Variants in TSEN34 observed in about 807,000 individuals in gnomAD.
TSEN34 encodes tRNA-splicing endonuclease subunit Sen34.
In TSEN34, 25 loss-of-function variants were observed where a neutral mutation model predicts 30.2. The observed-to-expected ratio is 0.83, with a 90% CI of 0.60 to 1.16. The LOEUF is 1.16. TSEN34 is among the 50% of genes most tolerant of loss of function. The pLI, the probability that TSEN34 is intolerant of heterozygous loss-of-function variation, is 0.00. For synonymous variants in TSEN34, 209 were observed against 177.4 expected (o/e 1.18, Z -1.41); for missense variants, 475 against 411.9 (o/e 1.15, Z -1.33).
At position 54,193,856 on chromosome 19, in the gene TSEN34, C is replaced by T. The variant is rs937796275; in HGVS notation, c.*494C>T. ...GCACTCTTTCTACCTCACTAAACTT[C>T]CTTTTGAAAAGATTTCTATGAAATT... On this transcript the variant is annotated 3_prime_UTR_variant, in exon 4 of 4. Transcript: ENST00000396388. 16 of 585,218 alleles carry T rather than the reference C, an allele frequency of 2.7e-5. No individual in the cohort carries two copies. The Admixed American group carries it at 4.3e-4, about 16-fold the overall frequency. The allele number at this position is 585,218 out of a possible 1,614,324, so 36.3% of individuals were successfully genotyped here.
At chr19:54,190,208 G>A, upstream of TSEN34, 1 of 656,744 alleles carries the variant, frequency 1.5e-6, no homozygotes, top group East Asian at 3.1e-5. Flanking sequence ...CGGGAGGAGG[G>A]CGGGGCTTCG....
chr19:54,190,583 G>T (rs2076631995), upstream of TSEN34: 1 of 1,247,744 alleles, frequency 8.0e-7, no homozygotes, highest in Non-Finnish European at 1.0e-6. Flanking sequence ...GCCACAGGCC[G>T]CGAGGCTGCC....
chr19:54,190,678 A>C, upstream of TSEN34: 1 of 1,220,482 alleles, frequency 8.2e-7, no homozygotes, highest in Non-Finnish European at 1.0e-6. Context: ...GAACACCCGA[A>C]CGTCAAATTG....
chr19:54,192,420 C>G (rs1210474661), intron 3 of TSEN34, 47 bp downstream of exon 3: 3 of 1,608,332 alleles, frequency 1.9e-6, no homozygotes, highest in South Asian at 2.2e-5. Flanking sequence ...TCCATACGAT[C>G]CCAATGTATT....
chr19:54,193,327 G>A lies in TSEN34; in HGVS notation c.898G>A (p.Val300Ile), dbSNP rs1273330367. 6.2e-7 allele frequency: 1 copy of A among 1,614,156 alleles called. No homozygotes were observed. The highest frequency in any genetic ancestry group is 1.7e-5 in the Admixed American group (1 of 60,004). The change falls in exon 4 of 4, where the codon GTC becomes ATC. Residue 300 changes from valine to isoleucine, a missense_variant. Val to Ile is a conservative substitution (Grantham distance 29). Coordinates refer to ENST00000396388, the MANE Select transcript of TSEN34 (RefSeq NM_001077446.4). ...TTCTCCGCAGCCTGATGGTAAGGTGGTCTACACCTCCCTGCAATGGGCCAG... is the reference window on the plus strand; with the variant it reads ...TTCTCCGCAGCCTGATGGTAAGGTGATCTACACCTCCCTGCAATGGGCCAG... ...LCSPQPDGKVVYTSLQWASLQ is the reference protein window; with the variant it reads ...LCSPQPDGKVIYTSLQWASLQ
At chr19:54,191,188 G>T (rs1028773280), upstream of TSEN34, 2 of 1,384,628 alleles carry the variant, frequency 1.4e-6, no homozygotes, top group African/African-American at 3.2e-5. Flanking sequence ...GGATCGCCCG[G>T]GGGCGGGGCC....
chr19:54,192,102 G>C lies in TSEN34; in HGVS notation c.488-14G>C, dbSNP rs374531111. On this transcript the variant is annotated splice_polypyrimidine_tract_variant and intron_variant, in intron 2 of 3. Coordinates refer to ENST00000396388, the MANE Select transcript of TSEN34 (RefSeq NM_001077446.4). ...CCTTGAATTTACCAAACTCTTCTCT[G>C]TACTCCCCACCAGGCCCCTCGTCTT... is the stretch of plus-strand genomic sequence containing the variant. 36 of 1,614,092 alleles carry C rather than the reference G, an allele frequency of 2.2e-5. No individual in the cohort carries two copies. In the African/African-American group the frequency reaches 4.0e-4, roughly 18 times the overall value.
At position 54,191,773 on chromosome 19, in the gene TSEN34, C is replaced by A; in HGVS notation, c.296C>A (p.Ala99Asp). ...GAGGAGAGCTTCCAGGAGCAGAGCG[C>A]CTTGGCAGCTGAGGCCCGGGAGACC... is the stretch of plus-strand genomic sequence containing the variant. ...QQEESFQEQS[A>D]LAAEARETRR... Residue 99 changes from alanine (A) to aspartate (D), a missense_variant, in exon 2 of 4, where the codon GCC becomes GAC. Physicochemically the swap from Ala to Asp is moderately radical, Grantham distance 126. Transcript: ENST00000396388. 6.2e-7 allele frequency: 1 copy of A among 1,614,198 alleles called. No individual in the cohort carries two copies. Among genetic ancestry groups the A allele is most frequent in the Non-Finnish European group, 8.5e-7 (1 of 1,180,036 alleles).
upstream of TSEN34, chr19:54,190,671 C>T: frequency 4.8e-6 from 6 of 1,246,814 alleles, no homozygotes; most frequent in Non-Finnish European, 5.0e-6. Flanking sequence ...GAGCCGAGAA[C>T]ACCCGAACGT....
intron 2 of TSEN34, 41 bp from the exon 3 acceptor site, chr19:54,192,075 C>G: frequency 6.2e-7 from 1 of 1,614,184 alleles, no homozygotes; most frequent in East Asian, 2.2e-5. Context: ...GAAGACTTTA[C>G]CCCTTGAATT....
At chr19:54,191,295 G>A (rs532178295), upstream of TSEN34, 2,307 of 1,544,452 alleles carry the variant, frequency 1.5e-3, 20 homozygotes, top group South Asian at 5.1e-3. Context: ...GGAGGCTTTG[G>A]GTGCGCTGCA....
At chr19:54,190,627 GC>G, upstream of TSEN34, 1 of 1,241,854 alleles carries the variant, frequency 8.1e-7, no homozygotes, top group Non-Finnish European at 1.0e-6. Flanking sequence ...CGAACCTATT[GC>G]GTCCGGGAGG....
Position 54,193,558 on chromosome 19 carries a change from C to T in TSEN34, c.*196C>T, listed in dbSNP as rs2076788137. The T allele has an allele frequency of 5.9e-6, 9 of 1,531,422 alleles. No individual in the cohort carries two copies. The South Asian group carries it at 6.0e-5, about 10-fold the overall frequency. The allele number at this position is 1,531,422 out of a possible 1,614,324, so 94.9% of individuals were successfully genotyped here. A position where few individuals can be genotyped will look rare whatever the true frequency, so the allele number is the denominator to read the frequency against. On this transcript the variant is annotated 3_prime_UTR_variant, in exon 4 of 4. Coordinates refer to ENST00000396388, the MANE Select transcript of TSEN34 (RefSeq NM_001077446.4). The stretch of plus-strand genomic sequence containing the variant: ...CTTATTGGCTGTGTTTTTGTAGTTA[C>T]CTATTTTCACACTGTGAGCTTCCCG...
At position 54,191,428 on chromosome 19, in the gene TSEN34, C is replaced by T. The variant is rs964715220; in HGVS notation, c.64C>T (p.Leu22Phe). The change falls in exon 1 of 4, where the codon CTC becomes TTC. Residue 22 changes from leucine to phenylalanine, a missense_variant. Physicochemically the swap from Leu to Phe is conservative, Grantham distance 22. Transcript: ENST00000396388. ...LVWGAEAVQALRERLGVGGRT... is the reference protein window; with the variant it reads ...LVWGAEAVQAFRERLGVGGRT... Reference sequence around the variant, plus strand: ...GTGGGGAGCCGAGGCGGTGCAGGCCCTCCGGGAGCGCCTGGGTGTGGGGGG... The same window carrying T: ...GTGGGGAGCCGAGGCGGTGCAGGCCTTCCGGGAGCGCCTGGGTGTGGGGGG... 3 of 1,548,276 alleles carry T rather than the reference C, an allele frequency of 1.9e-6. No individual in the cohort carries two copies. The African/African-American group carries it at 4.1e-5, about 21-fold the overall frequency.
At position 54,191,730 on chromosome 19, in the gene TSEN34, T is replaced by C. The variant is rs1243236008; in HGVS notation, c.253T>C (p.Ser85Pro). The change falls in exon 2 of 4, where the codon TCC (serine) becomes CCC (proline). Residue 85 changes from serine (S) to proline (P), a missense_variant. Ser to Pro is a moderately conservative substitution (Grantham distance 74). Coordinates refer to ENST00000396388, the MANE Select transcript of TSEN34 (RefSeq NM_001077446.4). ...GAAGTGTGCTTCTCAGGCCCTGACA[T>C]CCTTCAAGCGCCAGCAAGAGGAGAG... ...DSRHHSLALT[S>P]FKRQQEESFQ... 6.2e-7 allele frequency: 1 copy of C among 1,613,996 alleles called. No individual in the cohort carries two copies. Among genetic ancestry groups the C allele is most frequent in the South Asian group, 1.1e-5 (1 of 91,088 alleles).
At chr19:54,191,137 T>G (rs1409965079), upstream of TSEN34, 15 of 1,352,880 alleles carry the variant, frequency 1.1e-5, no homozygotes, top group Admixed American at 2.2e-4. Context: ...GTCGGGGGCT[T>G]GTCTCCGGCG....
At chr19:54,190,587 G>C (rs1391616798), upstream of TSEN34, 26 of 1,255,514 alleles carry the variant, frequency 2.1e-5, no homozygotes, top group Non-Finnish European at 2.4e-5. Flanking sequence ...CAGGCCGCGA[G>C]GCTGCCGGGA....
upstream of TSEN34, chr19:54,190,989 GTGTCGCCGCGCTTGC>G: frequency 9.0e-7 from 1 of 1,109,892 alleles, no homozygotes; most frequent in Non-Finnish European, 1.1e-6. Context: ...GTAAGGGGGC[GTGTCGCCGCGCTTGC>G]GGAGGTTTGT....
Position 54,191,499 on chromosome 19 carries a change from C to T in TSEN34, c.135C>T (p.Arg45=). The T allele has an allele frequency of 1.3e-6, 2 of 1,575,072 alleles. No individual in the cohort carries two copies. Among genetic ancestry groups the T allele is most frequent in the Non-Finnish European group, 1.7e-6 (2 of 1,165,126 alleles). The change falls in exon 1 of 4, where the codon CGC becomes CGT. Residue 45 remains arginine, a synonymous_variant. Transcript: ENST00000396388. ...ALPRGPRQNS[R]LGLPLLLMPE... is the part of the protein sequence containing the mutation. ...CCCGCGGGCCCCGCCAGAACTCGCG[C>T]CTGGGCCTCCCGCTGCTGCTGATGC...
Sources: gnomAD v4.1 joint callset for allele counts on GRCh38, gnomAD v4.1.1 for gene constraint, MANE v1.5 for transcripts, NCBI Gene and HGNC (gene_info 2026-07-23, HGNC 2026-07-21) for gene names.